FAM53B: variants seen among roughly 807,000 people sequenced by gnomAD.
FAM53B encodes the protein family with sequence similarity 53 member B, also known as protein FAM53B.
Under a neutral mutation model 32.7 loss-of-function variants are expected in FAM53B, and 12 were observed. The observed-to-expected ratio is 0.37, with a 90% CI of 0.24 to 0.59. The LOEUF is 0.59. Ranked by LOEUF, FAM53B falls within the 20% of genes least tolerant of loss-of-function variation. FAM53B has a pLI of 0.72. For synonymous variants in FAM53B, 234 were observed against 228.7 expected, an observed-to-expected ratio of 1.02 and a Z score of -0.21; for missense variants, 477 against 577.7, an observed-to-expected ratio of 0.83 and a Z score of 1.79.
intron 1 of FAM53B, among the ~76,000 whole-genome samples, chr10:124,721,748 ATCC>A (rs1192740478): frequency 2.0e-5 from 3 of 152,198 alleles, no homozygotes; most frequent in Non-Finnish European, 2.9e-5. Context: ...GTGCGGTTCT[ATCC>A]TCCTTACTCA....
At chr10:124,641,590 G>A (rs1422002744) in intron 4 of FAM53B, among the ~76,000 whole-genome samples, 1 of 152,230 alleles carries the variant, frequency 6.6e-6, no homozygotes, top group Non-Finnish European at 1.5e-5. Context: ...GAAAACAGGA[G>A]CCGAGAGTCA....
chr10:124,631,413 C>CCTA (rs1376557746), intron 4 of FAM53B, among the ~76,000 whole-genome samples: 6 of 152,204 alleles, frequency 3.9e-5, no homozygotes, highest in Non-Finnish European at 8.8e-5. Flanking sequence ...GCAGGCCCAG[C>CCTA]CTACTATCTC....
At chr10:124,694,988 T>C (rs1458148567) in intron 3 of FAM53B, among the ~76,000 whole-genome samples, 1 of 152,186 alleles carries the variant, frequency 6.6e-6, no homozygotes, top group African/African-American at 2.4e-5. Flanking sequence ...TTCTCCCGTA[T>C]GTGAATGATG....
At chr10:124,638,386 A>G (rs1949447833) in intron 4 of FAM53B, among the ~76,000 whole-genome samples, 1 of 151,956 alleles carries the variant, frequency 6.6e-6, no homozygotes, top group Non-Finnish European at 1.5e-5. Context: ...AAACAAAACA[A>G]AACAAAACAA....
intron 4 of FAM53B, 22 bp from the exon 5 acceptor site, chr10:124,623,626 G>A (rs1949326938): frequency 6.3e-7 from 1 of 1,593,672 alleles, no homozygotes; most frequent in Non-Finnish European, 8.5e-7. Context: ...CAGACACACA[G>A]GTTACTAAGG....
intron 4 of FAM53B, among the ~76,000 whole-genome samples, chr10:124,628,228 C>T (rs2134036573): frequency 6.6e-6 from 1 of 152,270 alleles, no homozygotes; most frequent in South Asian, 2.1e-4. Flanking sequence ...GGAAACAGCC[C>T]CAGCATTTGT....
At chr10:124,666,002 T>C (rs1949670040) in intron 4 of FAM53B, among the ~76,000 whole-genome samples, 2 of 152,226 alleles carry the variant, frequency 1.3e-5, no homozygotes, top group Admixed American at 6.5e-5. Context: ...TACACGCTAG[T>C]CTTCCCTGAG....
chr10:124,718,693 T>C (rs891120888), intron 1 of FAM53B, among the ~76,000 whole-genome samples: 3 of 152,366 alleles, frequency 2.0e-5, no homozygotes, highest in Non-Finnish European at 2.9e-5. Context: ...ATCTGTCTAT[T>C]CACAGATCAA....
chr10:124,639,677 C>T (rs555722611), intron 4 of FAM53B, among the ~76,000 whole-genome samples: 3 of 152,240 alleles, frequency 2.0e-5, no homozygotes, highest in South Asian at 2.1e-4. Context: ...TAGGCTTTTC[C>T]CCCCCTTTCT....
chr10:124,637,222 T>C (rs1382823432), intron 4 of FAM53B, among the ~76,000 whole-genome samples: 5 of 152,290 alleles, frequency 3.3e-5, no homozygotes, highest in Non-Finnish European at 5.9e-5. Context: ...TCACCCTTGC[T>C]GGTGCTGGGC....
At position 124,686,328 on chromosome 10, in the gene FAM53B, TAC is replaced by T. The variant is rs147188457; in HGVS notation, c.134-3951_134-3950del. 8.4e-3 allele frequency among the ~76,000 whole-genome samples: 1,281 copies of T among 152,338 alleles called. 31 individuals are homozygous for T. Among genetic ancestry groups the T allele is most frequent in the African/African-American group, 0.029 (1,212 of 41,574 alleles). On this transcript the variant is annotated intron_variant, in intron 3 of 4. Coordinates refer to ENST00000337318, the MANE Select transcript of FAM53B (RefSeq NM_014661.4). ...CCTACAGGACCTACTCCTTCTGTGTTACAGAGTAAGCCTCTAAGGCCTATAAG... is the reference window on the plus strand; with the variant it reads ...CCTACAGGACCTACTCCTTCTGTGTTAGAGTAAGCCTCTAAGGCCTATAAG...
chr10:124,691,310 A>C (rs1047607884), intron 3 of FAM53B, among the ~76,000 whole-genome samples: 2 of 152,214 alleles, frequency 1.3e-5, no homozygotes, highest in Non-Finnish European at 2.9e-5. Context: ...AATGCGGACA[A>C]ACCTGAACTG....
chr10:124,705,446 T>C (rs913553778), intron 2 of FAM53B: 2 of 152,310 alleles, frequency 1.3e-5, no homozygotes, highest in Non-Finnish European at 2.9e-5. Flanking sequence ...GTATCCCTGC[T>C]CCGCAAGGCT....
At position 124,693,630 on chromosome 10, in the gene FAM53B, C is replaced by T. The variant is rs148038779; in HGVS notation, c.133+2528G>A. Among the ~76,000 whole-genome samples, 1,007 of 152,228 alleles carry T rather than the reference C, an allele frequency of 6.6e-3. 6 individuals carry two copies. The highest frequency in any genetic ancestry group is 0.034 in the Middle Eastern group (10 of 294). On this transcript the variant is annotated intron_variant, in intron 3 of 4. Coordinates refer to ENST00000337318, the MANE Select transcript of FAM53B (RefSeq NM_014661.4). ...GGCTCCTGACTGCTGACACCCGCTC[C>T]GCTCCAGCAAGCGCAGGAAAGGGAT...
At chr10:124,735,683 C>T (rs1419502656) in intron 1 of FAM53B, among the ~76,000 whole-genome samples, 4 of 152,254 alleles carry the variant, frequency 2.6e-5, no homozygotes, top group African/African-American at 9.7e-5. Context: ...CGCAACAGCA[C>T]GCGCTTGCCA....
chr10:124,718,170 T>C (rs146495720), intron 1 of FAM53B, among the ~76,000 whole-genome samples: 3 of 152,058 alleles, frequency 2.0e-5, no homozygotes, highest in Non-Finnish European at 4.4e-5. Context: ...CACTGGGACA[T>C]GACAGGTGAT....
At chr10:124,695,379 G>A (rs1949862319) in intron 3 of FAM53B, among the ~76,000 whole-genome samples, 2 of 152,206 alleles carry the variant, frequency 1.3e-5, no homozygotes, top group Admixed American at 1.3e-4. Flanking sequence ...ATAAAAAACA[G>A]TAATTCACAC....
At chr10:124,713,371 G>A (rs558311051) in intron 1 of FAM53B, 1 of 152,214 alleles carries the variant, frequency 6.6e-6, no homozygotes, top group Non-Finnish European at 1.5e-5. Flanking sequence ...AGAAACAGGG[G>A]GGACAGCTTT....
chr10:124,734,411 A>C (rs2134103687), intron 1 of FAM53B, among the ~76,000 whole-genome samples: 1 of 152,318 alleles, frequency 6.6e-6, no homozygotes, highest in African/African-American at 2.4e-5. Context: ...ACAGTGACAC[A>C]CCCAAGGAGG....
Sources: gnomAD v4.1 joint callset for allele counts (sites outside exome capture counted in the v4.1 genomes callset) on GRCh38, gnomAD v4.1.1 for gene constraint, MANE v1.5 for transcripts, NCBI Gene and HGNC (gene_info 2026-07-23, HGNC 2026-07-21) for gene names.